Variants in TNFRSF14 observed in about 807,000 individuals in gnomAD.
TNFRSF14 encodes the protein tumor necrosis factor receptor superfamily member 14.
In TNFRSF14, 18 loss-of-function variants were observed where a neutral mutation model predicts 34.1. That is an observed-to-expected ratio of 0.53 (90% CI 0.36 to 0.78). The LOEUF (loss-of-function observed/expected upper bound fraction) is 0.78. Ranked by LOEUF, TNFRSF14 falls within the 30% of genes least tolerant of loss-of-function variation. TNFRSF14 has a pLI of 0.00. For missense variants in TNFRSF14, 352 were observed against 379.5 expected, an observed-to-expected ratio of 0.93 and a Z score of 0.60; for synonymous variants, 157 against 153.2, an observed-to-expected ratio of 1.02 and a Z score of -0.18.
At chr1:2,558,948 C>A (rs1364625721) in intron 3 of TNFRSF14, 4 of 1,365,700 alleles carry the variant, frequency 2.9e-6, no homozygotes, top group Non-Finnish European at 2.9e-6. Flanking sequence ...TGAGTCCAGG[C>A]AGACAGAAAG....
At chr1:2,559,190 A>T (rs1452260259) in intron 3 of TNFRSF14, 1 of 1,368,552 alleles carries the variant, frequency 7.3e-7, no homozygotes, top group Non-Finnish European at 9.6e-7. Context: ...AGGAAGCTGG[A>T]GTGCTTTGGG....
chr1:2,554,492 G>T (rs913783121), upstream of TNFRSF14, among the ~76,000 whole-genome samples: 2 of 152,132 alleles, frequency 1.3e-5, no homozygotes, highest in Non-Finnish European at 2.9e-5. The surrounding 1 kb of genome is among the most constrained non-coding windows in gnomAD (Gnocchi z 4.2). Flanking sequence ...GGGGAGCAGG[G>T]AGCGGGGACA....
At chr1:2,559,794 C>A (rs979302691) in intron 3 of TNFRSF14, 29 bp from the exon 4 acceptor site, 3 of 1,595,812 alleles carry the variant, frequency 1.9e-6, no homozygotes, top group African/African-American at 2.7e-5. Flanking sequence ...CTCCACGTAC[C>A]CCTCTCAGCC....
chr1:2,562,010 A>T (rs977267085), intron 6 of TNFRSF14, 195 bp downstream of exon 6: 4 of 648,254 alleles, frequency 6.2e-6, no homozygotes, highest in African/African-American at 3.6e-5. Flanking sequence ...TCCCTGGGGG[A>T]AGGGAAGGTG....
At chr1:2,562,835 C>G in intron 6 of TNFRSF14, 30 bp from the exon 7 acceptor site, 1 of 1,613,968 alleles carries the variant, frequency 6.2e-7, no homozygotes, top group Non-Finnish European at 8.5e-7. Flanking sequence ...GACACTGCCC[C>G]TCCCTGACCT....
In TNFRSF14 at chr1:2,558,210, T is replaced by C. The variant is rs376650191; in HGVS notation, c.179-133T>C. ...TGGCTGATGGGGCTGCTGTGTCCCG[T>C]GGGGCTCATGGGCCATTTGAGTCCC... is the stretch of plus-strand genomic sequence containing the variant. On this transcript the variant is annotated intron_variant, in intron 2 of 7. Coordinates refer to ENST00000355716, the MANE Select transcript of TNFRSF14 (RefSeq NM_003820.4). The C allele has an allele frequency of 1.1e-4, 145 of 1,339,306 alleles. 1 individual carries two copies. The East Asian group carries it at 1.7e-3, about 15-fold the overall frequency. The allele number at this position is 1,339,306 out of a possible 1,614,324, so 83.0% of individuals were successfully genotyped here.
rs2100845690 is a variant in TNFRSF14 at position 2,558,339 on chromosome 1, G to A, written c.179-4G>A. On this transcript the variant is annotated splice_region_variant and splice_polypyrimidine_tract_variant and intron_variant, in intron 2 of 7. Transcript: ENST00000355716. The stretch of plus-strand genomic sequence containing the variant: ...TTGCGAAGTTCCCACTCTCTGGGCG[G>A]CAGGTTATCGTGTGAAGGAGGCCTG... 6.3e-7 allele frequency: 1 copy of A among 1,597,670 alleles called. No homozygotes were observed. Among genetic ancestry groups the A allele is most frequent in the Non-Finnish European group, 8.5e-7 (1 of 1,173,176 alleles).
intron 2 of TNFRSF14, 102 bp from the exon 3 acceptor site, chr1:2,558,241 C>T: frequency 6.7e-7 from 1 of 1,491,170 alleles, no homozygotes. Context: ...GTCCCCTTAG[C>T]TGGTGTCTCC....
At position 2,556,396 on chromosome 1, in the gene TNFRSF14, C is replaced by T; in HGVS notation, c.-269C>T. On this transcript the variant is annotated 5_prime_UTR_variant, in exon 1 of 8. Transcript: ENST00000355716. Reference sequence around the variant, plus strand: ...ATACCGGCCCTTCCCCTCGGCTTTGCCTGGACAGCTCCTGCCTCCCGCAGG... The same window carrying T: ...ATACCGGCCCTTCCCCTCGGCTTTGTCTGGACAGCTCCTGCCTCCCGCAGG... The T allele has an allele frequency of 1.5e-6, 1 of 679,396 alleles. No homozygotes were observed. The highest frequency in any genetic ancestry group is 1.5e-5 in the South Asian group (1 of 66,534). The allele number at this position is 679,396 out of a possible 1,614,324, so 42.1% of individuals were successfully genotyped here.
chr1:2,559,265 C>G (rs750871460), intron 3 of TNFRSF14: 121 of 1,368,048 alleles, frequency 8.8e-5, no homozygotes, highest in Non-Finnish European at 1.0e-4. Flanking sequence ...TTCCATGCCC[C>G]TCCCCTCTTG....
rs1476685987 is a variant in TNFRSF14 at position 2,561,438 on chromosome 1, T to TG, written c.552-234dup. 2 of 1,464,572 alleles carry TG rather than the reference T, an allele frequency of 1.4e-6. No individual in the cohort carries two copies. The highest frequency in any genetic ancestry group is 1.8e-6 in the Non-Finnish European group (2 of 1,098,264). 90.7% of individuals were successfully genotyped at this position (1,464,572 alleles called of 1,614,324 possible). On this transcript the variant is annotated intron_variant, in intron 5 of 7. Coordinates refer to ENST00000355716, the MANE Select transcript of TNFRSF14 (RefSeq NM_003820.4). The surrounding 1 kb of genome is among the most constrained non-coding windows in gnomAD (Gnocchi z 6.0). ...TCTCCCTCTGCCGTCCTGTCTCCTT[T>TG]GCCCAGTCTCTCCTTGTTTCTCTTC... is the stretch of plus-strand genomic sequence containing the variant.
intron 1 of TNFRSF14, chr1:2,557,032 G>T: frequency 4.8e-6 from 2 of 414,136 alleles, no homozygotes; most frequent in South Asian, 5.3e-5. Flanking sequence ...GGGCACTTCT[G>T]GGGGCTGGGT....
chr1:2,555,733 C>A (rs796509296), upstream of TNFRSF14: 1 of 152,702 alleles, frequency 6.5e-6, no homozygotes, highest in East Asian at 1.9e-4. The surrounding 1 kb of genome is among the most constrained non-coding windows in gnomAD (Gnocchi z 6.3). Context: ...GCCACGGGGG[C>A]ACTGGCGTCG....
intron 1 of TNFRSF14, chr1:2,557,020 G>A (rs1355763480): frequency 1.2e-5 from 5 of 433,924 alleles, no homozygotes; most frequent in South Asian, 4.8e-5. Context: ...TTGGCCGGAT[G>A]TGGGCACTTC....
In TNFRSF14 at chr1:2,561,505, A is replaced by T. The variant is rs1345316078; in HGVS notation, c.552-168A>T. 2 of 1,533,784 alleles carry T rather than the reference A, an allele frequency of 1.3e-6. No individual in the cohort carries two copies. Among genetic ancestry groups the T allele is most frequent in the African/African-American group, 2.8e-5 (2 of 72,086 alleles). ...CCACCTCCCCATAGCCGAGCTTGGA[A>T]AAGTCAGACAGACCTCTGAGGTCTC... On this transcript the variant is annotated intron_variant, in intron 5 of 7. Transcript: ENST00000355716. This position sits in a 1 kb window ranked among gnomAD's most constrained non-coding sequence, Gnocchi z 6.0.
At position 2,556,435 on chromosome 1, in the gene TNFRSF14, C is replaced by A. The variant is rs1374006957; in HGVS notation, c.-230C>A. 2 of 697,020 alleles carry A rather than the reference C, an allele frequency of 2.9e-6. No individual in the cohort carries two copies. The highest frequency in any genetic ancestry group is 2.6e-6 in the Non-Finnish European group (1 of 382,182). 43.2% of individuals were successfully genotyped at this position (697,020 alleles called of 1,614,324 possible). Reference sequence around the variant, plus strand: ...GCCTCCCGCAGGGCCCACCTGTGTCCCCCAGCGCCGCTCCACCCAGCAGGC... The same window carrying A: ...GCCTCCCGCAGGGCCCACCTGTGTCACCCAGCGCCGCTCCACCCAGCAGGC... On this transcript the variant is annotated 5_prime_UTR_variant, in exon 1 of 8. Transcript: ENST00000355716.
At chr1:2,556,347 C>T, upstream of TNFRSF14, 1 of 628,756 alleles carries the variant, frequency 1.6e-6, no homozygotes, top group Non-Finnish European at 3.0e-6. Flanking sequence ...GGAGAACTCG[C>T]CCCTCCCATC....
chr1:2,557,909 C>G (rs1229776050), intron 2 of TNFRSF14, 75 bp downstream of exon 2: 8 of 1,251,626 alleles, frequency 6.4e-6, no homozygotes, highest in African/African-American at 1.5e-5. Context: ...CCCCAGACAC[C>G]CCTGTGTTCT....
At position 2,556,547 on chromosome 1, in the gene TNFRSF14, G is replaced by C. The variant is rs1271502089; in HGVS notation, c.-118G>C. On this transcript the variant is annotated 5_prime_UTR_variant, in exon 1 of 8. Transcript: ENST00000355716. Reference sequence around the variant, plus strand: ...AGGCACAGCTTGTCACACCGAGGCGGATTCTCTTTCTCTTTCTCTTTCTCT... The same window carrying C: ...AGGCACAGCTTGTCACACCGAGGCGCATTCTCTTTCTCTTTCTCTTTCTCT... 2 of 1,054,048 alleles carry C rather than the reference G, an allele frequency of 1.9e-6. No homozygotes were observed. Among genetic ancestry groups the C allele is most frequent in the South Asian group, 2.7e-5 (2 of 73,946 alleles). 65.3% of individuals were successfully genotyped at this position (1,054,048 alleles called of 1,614,324 possible).
Sources: gnomAD v4.1 joint callset for allele counts (sites outside exome capture counted in the v4.1 genomes callset) on GRCh38, gnomAD v4.1.1 for gene constraint, Gnocchi (gnomAD v3.1) non-coding constraint, MANE v1.5 for transcripts, NCBI Gene and HGNC (gene_info 2026-07-23, HGNC 2026-07-21) for gene names.